The following UST variants were observed in gnomAD, a reference collection of about 807,000 sequenced individuals.
The protein encoded by UST is uronyl 2-sulfotransferase.
Under a neutral mutation model 45.6 loss-of-function variants are expected in UST, and 21 were observed. The ratio of observed to expected loss-of-function variants is 0.46; its 90% CI spans 0.33 to 0.66. UST has a LOEUF of 0.66. UST is among the 30% of genes least tolerant of loss of function. UST has a pLI of 0.02. For synonymous variants in UST, 215 were observed against 200.6 expected (o/e 1.07, Z -0.61); for missense variants, 463 against 512.4 (o/e 0.90, Z 0.93).
At chr6:148,905,858 C>G (rs1009919979) in intron 2 of UST, among the ~76,000 whole-genome samples, 1 of 152,228 alleles carries the variant, frequency 6.6e-6, no homozygotes, top group Non-Finnish European at 1.5e-5. Flanking sequence ...AATGTCACTT[C>G]TGACCTTATA....
At chr6:148,855,480 G>A (rs1353691180) in intron 1 of UST, among the ~76,000 whole-genome samples, 5 of 152,196 alleles carry the variant, frequency 3.3e-5, no homozygotes, top group Non-Finnish European at 5.9e-5. Flanking sequence ...GGGAACAGAC[G>A]GGAGAGAAGG....
At chr6:148,889,896 C>T (rs1778982899) in intron 2 of UST, among the ~76,000 whole-genome samples, 2 of 151,760 alleles carry the variant, frequency 1.3e-5, no homozygotes, top group East Asian at 3.9e-4. Flanking sequence ...ACAGTCTGGT[C>T]TTCAACTCCC....
At chr6:149,066,853 G>A (rs1030344926) in intron 7 of UST, among the ~76,000 whole-genome samples, 4 of 152,062 alleles carry the variant, frequency 2.6e-5, no homozygotes, top group Admixed American at 6.5e-5. Context: ...GGGGAGGATC[G>A]CTTGAGCCCA....
At chr6:148,775,954 C>T (rs1384329820) in intron 1 of UST, among the ~76,000 whole-genome samples, 1 of 152,054 alleles carries the variant, frequency 6.6e-6, no homozygotes, top group Non-Finnish European at 1.5e-5. Flanking sequence ...AATTTTATAC[C>T]TTGTTCTAGG....
chr6:149,030,297 G>T (rs1776120285), intron 7 of UST, among the ~76,000 whole-genome samples: 1 of 152,042 alleles, frequency 6.6e-6, no homozygotes, highest in Non-Finnish European at 1.5e-5. Flanking sequence ...TCAGAAGTTA[G>T]TGAGTACTAA....
chr6:148,955,108 T>C (rs554389041), intron 4 of UST, among the ~76,000 whole-genome samples: 11 of 152,340 alleles, frequency 7.2e-5, no homozygotes, highest in Non-Finnish European at 1.6e-4. Context: ...GGCACTTCTG[T>C]CATCTTAACA....
At chr6:148,792,616 AT>A (rs1159093755) in intron 1 of UST, among the ~76,000 whole-genome samples, 4 of 152,290 alleles carry the variant, frequency 2.6e-5, no homozygotes, top group South Asian at 4.1e-4. Flanking sequence ...TCAGGCAGAG[AT>A]GTGTGTCTCA....
intron 1 of UST, among the ~76,000 whole-genome samples, chr6:148,860,124 T>C (rs1011982074): frequency 8.5e-5 from 13 of 152,248 alleles, no homozygotes; most frequent in Non-Finnish European, 1.9e-4. Context: ...TTCCTATCCA[T>C]GAGCATGGAA....
At chr6:148,771,739 G>A (rs1776431214) in intron 1 of UST, among the ~76,000 whole-genome samples, 1 of 152,148 alleles carries the variant, frequency 6.6e-6, no homozygotes, top group Admixed American at 6.5e-5. Flanking sequence ...AGAATTTATT[G>A]GATGATATAT....
In UST at chr6:148,816,302, A is replaced by G. The variant is rs918671037; in HGVS notation, c.247+68625A>G. On this transcript the variant is annotated intron_variant, in intron 1 of 7. Transcript: ENST00000367463. ...AGGATGAATGACAGCTGATATCAAC[A>G]TGATCATTTCAGGAGAAATATGACT... Among the ~76,000 whole-genome samples the G allele has an allele frequency of 3.3e-5, 5 of 152,220 alleles. No homozygotes were observed. The South Asian group carries it at 6.2e-4, about 19-fold the overall frequency.
At chr6:149,011,886 A>T (rs1181411084) in intron 5 of UST, among the ~76,000 whole-genome samples, 2 of 146,114 alleles carry the variant, frequency 1.4e-5, no homozygotes, top group African/African-American at 2.6e-5. Context: ...TTTATTAAGG[A>T]TTTACTTAAC....
chr6:148,917,113 C>T (rs1779605137), intron 2 of UST, among the ~76,000 whole-genome samples: 1 of 152,198 alleles, frequency 6.6e-6, no homozygotes, highest in Non-Finnish European at 1.5e-5. Flanking sequence ...CTGTGACAGT[C>T]ACCCTGTAGG....
chr6:148,811,176 C>T (rs1436433912), intron 1 of UST, among the ~76,000 whole-genome samples: 1 of 152,180 alleles, frequency 6.6e-6, no homozygotes, highest in Non-Finnish European at 1.5e-5. Flanking sequence ...CTGGTCTTAC[C>T]TGGGGGACTT....
At chr6:148,795,814 A>G (rs1277583593) in intron 1 of UST, among the ~76,000 whole-genome samples, 9 of 152,190 alleles carry the variant, frequency 5.9e-5, no homozygotes, top group African/African-American at 1.9e-4. Context: ...ATGTAATAAT[A>G]TTGACTCATT....
rs1232904076 is a variant in UST at position 148,756,180 on chromosome 6, A to T, written c.247+8503A>T. Among the ~76,000 whole-genome samples, 3 of 152,086 alleles carry T rather than the reference A, an allele frequency of 2.0e-5. No homozygotes were observed. In the South Asian group the frequency reaches 6.2e-4, roughly 32 times the overall value. On this transcript the variant is annotated intron_variant, in intron 1 of 7. Coordinates refer to ENST00000367463, the MANE Select transcript of UST (RefSeq NM_005715.3). ...CTTCATCCATGTCCCTACAAAGGAC[A>T]TGAGCTCATCCTTTTTTATGGCTGC...
At chr6:148,982,906 A>T (rs1781166831) in intron 5 of UST, among the ~76,000 whole-genome samples, 1 of 152,174 alleles carries the variant, frequency 6.6e-6, no homozygotes, top group Admixed American at 6.5e-5. Context: ...CCTGTACCTA[A>T]AACTACTTGG....
chr6:148,821,011 C>T (rs1196315957), intron 1 of UST, among the ~76,000 whole-genome samples: 2 of 136,756 alleles, frequency 1.5e-5, no homozygotes, highest in African/African-American at 2.7e-5. Context: ...ACTCTGTCAC[C>T]CAGGCTGGAG....
At chr6:149,020,859 A>G (rs1775967349) in intron 6 of UST, among the ~76,000 whole-genome samples, 1 of 152,254 alleles carries the variant, frequency 6.6e-6, no homozygotes, top group Admixed American at 6.5e-5. Context: ...TCCAAAGAAT[A>G]AGATGATTAA....
chr6:149,048,929 A>C lies in UST; in HGVS notation c.938-24904A>C, dbSNP rs1341314510. ...CAGGAGACTCCTAGAGGGAGAGCAC[A>C]TTGTTAACCCCTGGGGTAAAGAGCA... On this transcript the variant is annotated intron_variant, in intron 7 of 7. Coordinates refer to ENST00000367463, the MANE Select transcript of UST (RefSeq NM_005715.3). Among the ~76,000 whole-genome samples the C allele has an allele frequency of 2.6e-5, 4 of 152,352 alleles. No homozygotes were observed. The East Asian group carries it at 7.7e-4, about 29-fold the overall frequency.
Sources: allele counts gnomAD v4.1 joint callset (sites outside exome capture counted in the v4.1 genomes callset), GRCh38; gene constraint gnomAD v4.1.1; transcripts MANE v1.5; gene names NCBI Gene and HGNC (gene_info 2026-07-23, HGNC 2026-07-21).